The following TFDP1 variants were observed in gnomAD, a reference collection of about 807,000 sequenced individuals.
TFDP1 encodes transcription factor Dp-1, also known as DRTF1-polypeptide 1.
TFDP1 carries 6 observed loss-of-function variants against 48.0 expected under a neutral mutation model. The ratio of observed to expected loss-of-function variants is 0.13; its 90% confidence interval spans 0.07 to 0.25. The LOEUF (loss-of-function observed/expected upper bound fraction) is 0.25. Ranked by LOEUF, TFDP1 falls within the 10% of genes least tolerant of loss-of-function variation. The pLI is 1.00. For missense variants in TFDP1, 335 were observed against 543.0 expected, an observed-to-expected ratio of 0.62 and a Z score of 3.81; for synonymous variants, 201 against 211.6, an observed-to-expected ratio of 0.95 and a Z score of 0.44.
intron 2 of TFDP1, among the ~76,000 whole-genome samples, chr13:113,600,588 G>A (rs1187851898): frequency 2.2e-5 from 3 of 135,718 alleles, no homozygotes; most frequent in South Asian, 5.0e-4. Flanking sequence ...GAGAACCCAG[G>A]ACCCAGGACC....
At chr13:113,599,689 A>G (rs1318536479) in intron 2 of TFDP1, among the ~76,000 whole-genome samples, 2 of 152,202 alleles carry the variant, frequency 1.3e-5, no homozygotes, top group Non-Finnish European at 2.9e-5. Context: ...TGCGAGGCCC[A>G]AGGAGGAGGT....
chr13:113,637,265 T>C, intron 10 of TFDP1: 1 of 249,144 alleles, frequency 4.0e-6, no homozygotes, highest in Non-Finnish European at 7.9e-6. Context: ...GAAGGTGTCA[T>C]ATCTGCTGAT....
At position 113,637,844 on chromosome 13, in the gene TFDP1, G is replaced by A. The variant is rs748330884; in HGVS notation, c.1033G>A (p.Val345Met). ...TEMAQGTVGG[V>M]FITTAGSTSN... ...AATGGCTCAGGGAACTGTTGGAGGC[G>A]TGTTCATCACGACGGCAGGTTCCAC... The change falls in exon 11 of 12, where the codon GTG (valine) becomes ATG (methionine). Residue 345 changes from valine (V) to methionine (M), a missense_variant. Val to Met is a conservative substitution (Grantham distance 21). Coordinates refer to ENST00000375370, the MANE Select transcript of TFDP1 (RefSeq NM_007111.5). 1.1e-5 allele frequency: 17 copies of A among 1,614,092 alleles called. No homozygotes were observed. The highest frequency in any genetic ancestry group is 6.6e-5 in the South Asian group (6 of 91,094).
chr13:113,640,279 C>CT lies in TFDP1; in HGVS notation c.*14dup. The CT allele has an allele frequency of 6.2e-7, 1 of 1,605,802 alleles. No homozygotes were observed. The highest frequency in any genetic ancestry group is 8.5e-7 in the Non-Finnish European group (1 of 1,177,404). ...ACGAGGACGACTGACGTCCTCCCCA[C>CT]TTCAGATTCGGCTTCAGGAAAACGT... On this transcript the variant is annotated 3_prime_UTR_variant, in exon 12 of 12. Coordinates refer to ENST00000375370, the MANE Select transcript of TFDP1 (RefSeq NM_007111.5).
In TFDP1 at chr13:113,623,838, C is replaced by G; in HGVS notation, c.186+552C>G. ...CCCTCCCCAGGCTGATGCTGGCCAA[C>G]TGATGCTGCTTCTCATAATGCTGTT... is the stretch of plus-strand genomic sequence containing the variant. On this transcript the variant is annotated intron_variant, in intron 4 of 11. Coordinates refer to ENST00000375370, the MANE Select transcript of TFDP1 (RefSeq NM_007111.5). This position sits in a 1 kb window ranked among gnomAD's most constrained non-coding sequence, Gnocchi z 5.2. 6.6e-6 allele frequency among the ~76,000 whole-genome samples: 1 copy of G among 152,194 alleles called. No individual in the cohort carries two copies. Among genetic ancestry groups the G allele is most frequent in the Non-Finnish European group, 1.5e-5 (1 of 68,034 alleles).
At chr13:113,611,421 C>G (rs552691930) in intron 3 of TFDP1, among the ~76,000 whole-genome samples, 2 of 152,380 alleles carry the variant, frequency 1.3e-5, no homozygotes, top group East Asian at 3.9e-4. Flanking sequence ...CTCACCTGTG[C>G]TGTTTGAGGA....
At chr13:113,636,766 C>T in intron 10 of TFDP1, 66 bp downstream of exon 10, 2 of 1,551,458 alleles carry the variant, frequency 1.3e-6, no homozygotes, top group Non-Finnish European at 8.7e-7. Flanking sequence ...CGACGGTGCC[C>T]TCCCCTCCCG....
At chr13:113,609,097 C>T (rs1268854561) in intron 2 of TFDP1, among the ~76,000 whole-genome samples, 1 of 152,250 alleles carries the variant, frequency 6.6e-6, no homozygotes, top group African/African-American at 2.4e-5. Context: ...CCAGCGTAGC[C>T]CTCTGCGGGG....
intron 1 of TFDP1, among the ~76,000 whole-genome samples, chr13:113,585,109 G>A (rs1378976864): frequency 6.8e-6 from 1 of 146,734 alleles, no homozygotes; most frequent in Non-Finnish European, 1.5e-5. Flanking sequence ...CCCGGGCCCG[G>A]CCCTCCCGGC....
chr13:113,624,365 C>G (rs2049068670), intron 4 of TFDP1, among the ~76,000 whole-genome samples: 1 of 148,042 alleles, frequency 6.8e-6, no homozygotes, highest in Non-Finnish European at 1.5e-5. Context: ...TCCCAGGCAT[C>G]CTCACGTGTC....
intron 4 of TFDP1, 118 bp from the exon 5 acceptor site, chr13:113,631,505 C>T: frequency 7.5e-7 from 1 of 1,340,886 alleles, no homozygotes; most frequent in Non-Finnish European, 9.9e-7. Flanking sequence ...TCCGTCATGG[C>T]TGCTCACTGT....
chr13:113,631,325 CT>C (rs1272351852), intron 4 of TFDP1, among the ~76,000 whole-genome samples: 1 of 152,220 alleles, frequency 6.6e-6, no homozygotes, highest in African/African-American at 2.4e-5. Context: ...GGGGGTCACG[CT>C]CTGCCCTGTC....
intron 2 of TFDP1, among the ~76,000 whole-genome samples, chr13:113,595,514 G>A (rs1246945376): frequency 2.0e-5 from 3 of 152,122 alleles, no homozygotes; most frequent in South Asian, 2.1e-4. Context: ...AGGAAAGGCG[G>A]TGGAGTTAGG....
At chr13:113,625,857 ACG>A (rs1215286642) in intron 4 of TFDP1, among the ~76,000 whole-genome samples, 3 of 129,670 alleles carry the variant, frequency 2.3e-5, no homozygotes, top group African/African-American at 3.0e-5. Flanking sequence ...GGTGTCTCTC[ACG>A]CGTCCTCAGG....
intron 11 of TFDP1, among the ~76,000 whole-genome samples, chr13:113,638,199 A>G (rs904950048): frequency 6.6e-6 from 1 of 152,212 alleles, no homozygotes; most frequent in Admixed American, 6.5e-5. Flanking sequence ...CCCAAGTAAC[A>G]GCAAGTATTT....
At chr13:113,606,714 C>T (rs774194820) in intron 2 of TFDP1, among the ~76,000 whole-genome samples, 16 of 152,178 alleles carry the variant, frequency 1.1e-4, no homozygotes, top group Non-Finnish European at 2.1e-4. Flanking sequence ...TAAACAGAGG[C>T]AGTCTAGGTG....
At chr13:113,634,160 C>T (rs1200765699) in intron 7 of TFDP1, 127 bp downstream of exon 7, 3 of 1,320,682 alleles carry the variant, frequency 2.3e-6, no homozygotes, top group Non-Finnish European at 2.2e-6. Flanking sequence ...GGCAGACGGT[C>T]ATGCAGACGT....
intron 2 of TFDP1, among the ~76,000 whole-genome samples, chr13:113,595,777 C>T (rs1429421529): frequency 1.3e-5 from 2 of 152,244 alleles, no homozygotes; most frequent in East Asian, 3.8e-4. Context: ...TCATTTACTT[C>T]CTCTCCTTGA....
chr13:113,621,675 C>T (rs925457851), intron 3 of TFDP1, among the ~76,000 whole-genome samples: 2 of 152,228 alleles, frequency 1.3e-5, no homozygotes, highest in Non-Finnish European at 2.9e-5. Flanking sequence ...CCAGAGGGCT[C>T]CTTGGTCTAG....
Sources: gnomAD v4.1 joint callset for allele counts (sites outside exome capture counted in the v4.1 genomes callset) on GRCh38, gnomAD v4.1.1 for gene constraint, Gnocchi (gnomAD v3.1) non-coding constraint, MANE v1.5 for transcripts, NCBI Gene and HGNC (gene_info 2026-07-23, HGNC 2026-07-21) for gene names.